The following NRAP variants were observed in gnomAD, a reference collection of about 807,000 sequenced individuals.
NRAP encodes nebulin related anchoring protein.
In NRAP, 189 loss-of-function variants were observed where a neutral mutation model predicts 225.9. The observed-to-expected ratio is 0.84, with a 90% CI of 0.74 to 0.94. The LOEUF is 0.94. Among genes scored for constraint, NRAP ranks in the 40% least tolerant of loss-of-function variants. The pLI is 0.00. For synonymous variants in NRAP, 769 were observed against 790.7 expected (o/e 0.97, Z 0.46); for missense variants, 2,176 against 2,168.7 (o/e 1.00, Z -0.07).
intron 24 of NRAP, among the ~76,000 whole-genome samples, chr10:113,621,171 T>TG (rs943921915): frequency 2.1e-4 from 32 of 152,174 alleles, no homozygotes; most frequent in South Asian, 6.2e-4. Context: ...GCCACCTCAG[T>TG]GGGGGGGCAG....
chr10:113,614,945 G>C lies in NRAP; in HGVS notation c.3080C>G (p.Thr1027Arg). The C allele has an allele frequency of 6.3e-7, 1 of 1,576,838 alleles. No homozygotes were observed. Among genetic ancestry groups the C allele is most frequent in the Non-Finnish European group, 8.7e-7 (1 of 1,145,664 alleles). The change falls in exon 28 of 42, where the codon ACG (threonine) becomes AGG (arginine). Residue 1027 changes from threonine (T) to arginine (R), a missense_variant and splice_region_variant. By Grantham distance (71) the Thr-to-Arg change is moderately conservative. Around this residue, in one of 3 missense-constraint regions of NRAP, gnomAD observed 1,708 missense variants for 1,695.5 expected, o/e 1.01. Transcript: ENST00000359988. ...AKLNAMNISE[T>R]RYKESWSKLR... The stretch of plus-strand genomic sequence containing the variant: ...TTTGCTCCAGGATTCCTTATAACGC[G>C]TCTGTCGGGAAGATGTGCACAAGGA...
chr10:113,631,442 G>C (rs867209326), intron 18 of NRAP, 67 bp downstream of exon 18: 8 of 897,036 alleles, frequency 8.9e-6, no homozygotes, highest in Admixed American at 2.4e-5. Context: ...AGGTGAAGTA[G>C]GCCCAGGGAA....
At chr10:113,628,197 A>AT (rs200548863) in intron 20 of NRAP, among the ~76,000 whole-genome samples, 13 of 152,010 alleles carry the variant, frequency 8.6e-5, no homozygotes, top group Non-Finnish European at 1.6e-4. Context: ...TATTTTATTT[A>AT]TTCTTTCTGA....
intron 32 of NRAP, among the ~76,000 whole-genome samples, chr10:113,606,794 G>A (rs909173690): frequency 1.4e-4 from 21 of 152,302 alleles, no homozygotes; most frequent in Admixed American, 6.5e-5. Context: ...TGAGCCAGGC[G>A]TGGTGGCTGA....
rs1847281266 is a variant in NRAP, at chr10:113,610,829, G to T, written c.3499-266C>A. 2.6e-5 allele frequency among the ~76,000 whole-genome samples: 4 copies of T among 152,308 alleles called. No homozygotes were observed. The South Asian group carries it at 8.3e-4, about 32-fold the overall frequency. ...GTAGCTGTTCCACAGAAGCGAGACAGATTTTTATTTTAATGTGGGCTATCA... is the reference window on the plus strand; with the variant it reads ...GTAGCTGTTCCACAGAAGCGAGACATATTTTTATTTTAATGTGGGCTATCA... On this transcript the variant is annotated intron_variant, in intron 30 of 41. Coordinates refer to ENST00000359988, the MANE Select transcript of NRAP (RefSeq NM_198060.4).
Position 113,654,129 on chromosome 10 carries a change from C to T in NRAP, c.361-4G>A, listed in dbSNP as rs755313298. On this transcript the variant is annotated splice_region_variant and splice_polypyrimidine_tract_variant and intron_variant, in intron 4 of 41. Transcript: ENST00000359988. ...CATATCCAGTCCAATAGGCTCTCTA[C>T]AAAGGAAGCACATGAAGGGATACAA... 2.6e-5 allele frequency: 41 copies of T among 1,583,688 alleles called. No homozygotes were observed. The East Asian group carries it at 8.9e-4, about 35-fold the overall frequency.
chr10:113,651,507 G>C (rs113598776), intron 7 of NRAP, among the ~76,000 whole-genome samples: 27,651 of 151,884 alleles, frequency 0.18, 3,089 homozygotes, highest in African/African-American at 0.31. Context: ...ACTCCCCTCT[G>C]TGGGCCCCAG....
rs116026514 is a variant in NRAP, at chr10:113,634,014, A to G, written c.1527+98T>C. 1,190 of 790,110 alleles carry G rather than the reference A, an allele frequency of 1.5e-3. 5 individuals are homozygous for G. The African/African-American group carries it at 0.019, about 12-fold the overall frequency. 48.9% of individuals were successfully genotyped at this position (790,110 alleles called of 1,614,324 possible). ...TGGCTGTAATAAGACATGTGTCACA[A>G]TTTATGAAAGTCAAATCCTTGGAGG... On this transcript the variant is annotated intron_variant, in intron 15 of 41. Coordinates refer to ENST00000359988, the MANE Select transcript of NRAP (RefSeq NM_198060.4).
chr10:113,658,999 A>G (rs1055846278), intron 3 of NRAP, among the ~76,000 whole-genome samples: 2 of 152,114 alleles, frequency 1.3e-5, no homozygotes, highest in African/African-American at 2.4e-5. Context: ...TTAAACCCAA[A>G]GGATTCTTGT....
chr10:113,647,733 G>A (rs963745092), intron 9 of NRAP, among the ~76,000 whole-genome samples: 1 of 143,836 alleles, frequency 7.0e-6, no homozygotes, highest in Non-Finnish European at 1.5e-5. Flanking sequence ...AATGGTATGT[G>A]TCATGTAACC....
At chr10:113,612,777 G>A (rs1215530918) in intron 29 of NRAP, among the ~76,000 whole-genome samples, 5 of 152,254 alleles carry the variant, frequency 3.3e-5, no homozygotes, top group Admixed American at 2.0e-4. Context: ...AAGATGCATC[G>A]CTCCCTGCCC....
chr10:113,663,768 T>C (rs1474907904), intron 1 of NRAP, 43 bp downstream of exon 1: 1 of 1,369,728 alleles, frequency 7.3e-7, no homozygotes, highest in African/African-American at 1.4e-5. Context: ...GTCAATTTCC[T>C]GTGTTTGTTA....
intron 21 of NRAP, 142 bp from the exon 22 acceptor site, chr10:113,625,072 G>A: frequency 1.7e-6 from 1 of 605,262 alleles, no homozygotes; most frequent in African/African-American, 1.8e-5. Context: ...ATCAGACTCT[G>A]AGTGGCAGGA....
At chr10:113,654,239 C>T (rs1054225883) in intron 4 of NRAP, 114 bp from the exon 5 acceptor site, 1 of 659,150 alleles carries the variant, frequency 1.5e-6, no homozygotes, top group Non-Finnish European at 2.8e-6. Context: ...ATTGGTAAAT[C>T]CTGGGTCTCA....
chr10:113,647,437 G>T (rs951259669), intron 9 of NRAP, among the ~76,000 whole-genome samples: 1 of 150,858 alleles, frequency 6.6e-6, no homozygotes. Flanking sequence ...CTCCCCCGAT[G>T]GTACTGTCTC....
Position 113,626,135 on chromosome 10 carries a change from C to T in NRAP, c.2156G>A (p.Arg719Gln), listed in dbSNP as rs373568294. 27 of 1,605,110 alleles carry T rather than the reference C, an allele frequency of 1.7e-5. No homozygotes were observed. Among genetic ancestry groups the T allele is most frequent in the Admixed American group, 6.8e-5 (4 of 59,098 alleles). Residue 719 changes from arginine to glutamine, a missense_variant, in exon 21 of 42, where the codon CGG (arginine) becomes CAG (glutamine). Transcript: ENST00000359988. ...GAACTTCAGCTCATCGACCCTCTGCCGGTAGTTTTTCTGTTTCCAAAGGAA... is the reference window on the plus strand; with the variant it reads ...GAACTTCAGCTCATCGACCCTCTGCTGGTAGTTTTTCTGTTTCCAAAGGAA... Reference protein sequence around the residue: ...AGQLVSEKNYRQRVDELKFTS... With the variant: ...AGQLVSEKNYQQRVDELKFTS...
Position 113,614,310 on chromosome 10 carries a change from GAGCGGGAGAGAGGAAC to G in NRAP, c.3187-30_3187-15del. 1.3e-6 allele frequency: 2 copies of G among 1,529,182 alleles called. No homozygotes were observed. The highest frequency in any genetic ancestry group is 1.8e-6 in the Non-Finnish European group (2 of 1,102,410). The allele number at this position is 1,529,182 out of a possible 1,614,324, so 94.7% of individuals were successfully genotyped here. ...TTTGTATTTGTACTAAAGGGAAAGA[GAGCGGGAGAGAGGAAC>G]AGCTCAGGGATAAGGGACACAGAAT... is the stretch of plus-strand genomic sequence containing the variant. On this transcript the variant is annotated splice_polypyrimidine_tract_variant and intron_variant, in intron 28 of 41. Transcript: ENST00000359988.
chr10:113,589,590 C>CTT (rs1438104767), intron 41 of NRAP, 76 bp downstream of exon 41: 21 of 1,540,430 alleles, frequency 1.4e-5, no homozygotes, highest in South Asian at 7.4e-5. Flanking sequence ...CAAAAATAAA[C>CTT]TTTGAAAAGA....
chr10:113,650,006 G>C, intron 9 of NRAP, 31 bp downstream of exon 9: 5 of 1,249,330 alleles, frequency 4.0e-6, no homozygotes, highest in Non-Finnish European at 5.9e-6. Flanking sequence ...ACATGGAAAA[G>C]AGCAGGTCAG....
Sources: gnomAD v4.1 joint callset for allele counts (sites outside exome capture counted in the v4.1 genomes callset) on GRCh38, gnomAD v4.1.1 for gene constraint, gnomAD v4.1.1 regional missense constraint, MANE v1.5 for transcripts, NCBI Gene and HGNC (gene_info 2026-07-23, HGNC 2026-07-21) for gene names.